OR1L4: variants seen among roughly 807,000 people sequenced by gnomAD.
The protein encoded by OR1L4 is olfactory receptor family 1 subfamily L member 4.
A neutral mutation model predicts 3.5 loss-of-function variants in OR1L4; 4 were observed. The ratio of observed to expected loss-of-function variants is 1.15; its 90% CI spans 0.57 to 2.63. The LOEUF is 2.63. Among genes scored for constraint, OR1L4 ranks in the 30% most tolerant of loss-of-function variants. The probability of loss-of-function intolerance (pLI) is 0.02; values close to 1 mark genes in which losing one functional copy is unlikely to be tolerated. For synonymous variants in OR1L4, 123 were observed against 149.1 expected, an observed-to-expected ratio of 0.83 and a Z score of 1.27; for missense variants, 291 against 378.5, an observed-to-expected ratio of 0.77 and a Z score of 1.92.
In OR1L4 at chr9:122,724,826, C is replaced by T; in HGVS notation, c.837C>T (p.Tyr279=). Residue 279 remains tyrosine, a synonymous_variant, in exon 1 of 1, where the codon TAC becomes TAT. Transcript: ENST00000259466. ...AGGGCCGGGTAGCCACAGTTATGTA[C>T]ACAGTAGTGACACCCATGCTGAACC... The part of the protein sequence containing the change: ...VMKGRVATVM[Y]TVVTPMLNPF... The T allele has an allele frequency of 1.2e-6, 2 of 1,614,034 alleles. No individual in the cohort carries two copies. The highest frequency in any genetic ancestry group is 1.3e-5 in the African/African-American group (1 of 74,990).
chr9:122,724,275 G>A lies in OR1L4; in HGVS notation c.286G>A (p.Val96Met), dbSNP rs1365331810. The change falls in exon 1 of 1, where the codon GTG becomes ATG. Residue 96 changes from valine (V) to methionine (M), a missense_variant. Physicochemically the swap from Val to Met is conservative, Grantham distance 21. Around this residue, in one of 3 missense-constraint regions of OR1L4, gnomAD observed 165 missense variants for 169.9 expected, o/e 0.97. Coordinates refer to ENST00000259466, the MANE Select transcript of OR1L4 (RefSeq NM_001005235.1). ...FLSETKIISY[V>M]GCLIQMYFFM... ...ATCAGAGACAAAGATTATCTCTTATGTGGGCTGCCTGATCCAGATGTACTT... is the reference window on the plus strand; with the variant it reads ...ATCAGAGACAAAGATTATCTCTTATATGGGCTGCCTGATCCAGATGTACTT... 7.4e-6 allele frequency: 12 copies of A among 1,614,102 alleles called. No homozygotes were observed. Among genetic ancestry groups the A allele is most frequent in the Admixed American group, 1.7e-5 (1 of 59,990 alleles).
Position 122,724,796 on chromosome 9 carries a change from G to C in OR1L4, c.807G>C (p.Val269=). The change falls in exon 1 of 1, where the codon GTG becomes GTC. Residue 269 remains valine (V), a synonymous_variant. Transcript: ENST00000259466. ...VYFRPLSMYS[V]MKGRVATVMY... is the part of the protein sequence containing the mutation. Reference sequence around the variant, plus strand: ...TTAGGCCTCTGTCCATGTACTCAGTGATGAAGGGCCGGGTAGCCACAGTTA... The same window carrying C: ...TTAGGCCTCTGTCCATGTACTCAGTCATGAAGGGCCGGGTAGCCACAGTTA... The C allele has an allele frequency of 6.2e-7, 1 of 1,614,120 alleles. No homozygotes were observed. Among genetic ancestry groups the C allele is most frequent in the Non-Finnish European group, 8.5e-7 (1 of 1,180,020 alleles).
At position 122,724,053 on chromosome 9, in the gene OR1L4, C is replaced by T. The variant is rs116182572; in HGVS notation, c.64C>T (p.Pro22Ser). 784 of 1,614,082 alleles carry T rather than the reference C, an allele frequency of 4.9e-4. 1 individual carries two copies. The African/African-American group carries it at 9.3e-3, about 19-fold the overall frequency. Residue 22 changes from proline to serine, a missense_variant, in exon 1 of 1, where the codon CCT becomes TCT. Pro to Ser is a moderately conservative substitution (Grantham distance 74). Around this residue, in one of 3 missense-constraint regions of OR1L4, gnomAD observed 165 missense variants for 169.9 expected, o/e 0.97. Coordinates refer to ENST00000259466, the MANE Select transcript of OR1L4 (RefSeq NM_001005235.1). ...CATCCTCCTGGGCCTCTCTTCCAAC[C>T]CTAAGCTGCAGAAACCTCTCTTTGC... ...GFILLGLSSNPKLQKPLFAIF... is the reference protein window; with the variant it reads ...GFILLGLSSNSKLQKPLFAIF...
chr9:122,724,154 G>T lies in OR1L4; in HGVS notation c.165G>T (p.Arg55Ser), dbSNP rs145830285. 1.9e-5 allele frequency: 31 copies of T among 1,613,964 alleles called. No individual in the cohort carries two copies. Among genetic ancestry groups the T allele is most frequent in the Middle Eastern group, 3.3e-4 (2 of 6,084 alleles). Residue 55 changes from arginine (R) to serine (S), a missense_variant, in exon 1 of 1, where the codon AGG becomes AGT. This residue lies in a region of OR1L4 where 165 missense variants were observed against 169.9 expected (regional missense o/e 0.97). Transcript: ENST00000259466. ...LIILAIYSDPRLHTPMYFFLS... is the reference protein window; with the variant it reads ...LIILAIYSDPSLHTPMYFFLS... ...TCCTGGCCATCTACTCTGACCCCAG[G>T]CTCCACACCCCTATGTACTTTTTTC... is the stretch of plus-strand genomic sequence containing the variant.
chr9:122,724,822 T>C lies in OR1L4; in HGVS notation c.833T>C (p.Met278Thr), dbSNP rs779389672. ...ATGAAGGGCCGGGTAGCCACAGTTA[T>C]GTACACAGTAGTGACACCCATGCTG... Reference protein sequence around the residue: ...SVMKGRVATVMYTVVTPMLNP... With the variant: ...SVMKGRVATVTYTVVTPMLNP... Residue 278 changes from methionine to threonine, a missense_variant, in exon 1 of 1, where the codon ATG becomes ACG. Around this residue, in one of 3 missense-constraint regions of OR1L4, gnomAD observed 62 missense variants for 71.8 expected, o/e 0.86. Transcript: ENST00000259466. The C allele has an allele frequency of 6.2e-7, 1 of 1,614,102 alleles. No individual in the cohort carries two copies. Among genetic ancestry groups the C allele is most frequent in the East Asian group, 2.2e-5 (1 of 44,882 alleles).
chr9:122,724,608 G>C lies in OR1L4; in HGVS notation c.619G>C (p.Val207Leu). 3 of 1,614,286 alleles carry C rather than the reference G, an allele frequency of 1.9e-6. No homozygotes were observed. Among genetic ancestry groups the C allele is most frequent in the Middle Eastern group, 1.6e-4 (1 of 6,062 alleles). ...QMVVMTETLA[V>L]IVTPFLCTIF... is the part of the protein sequence containing the mutation. ...GGTGGTGATGACTGAGACCTTAGCT[G>C]TCATTGTGACCCCCTTCCTGTGTAC... is the stretch of plus-strand genomic sequence containing the variant. Residue 207 changes from valine to leucine, a missense_variant, in exon 1 of 1, where the codon GTC (valine) becomes CTC (leucine). Val to Leu is a conservative substitution (Grantham distance 32). Coordinates refer to ENST00000259466, the MANE Select transcript of OR1L4 (RefSeq NM_001005235.1).
chr9:122,724,649 G>A lies in OR1L4; in HGVS notation c.660G>A (p.Leu220=). 3 of 1,614,274 alleles carry A rather than the reference G, an allele frequency of 1.9e-6. No individual in the cohort carries two copies. The highest frequency in any genetic ancestry group is 1.7e-6 in the Non-Finnish European group (2 of 1,180,056). The change falls in exon 1 of 1, where the codon CTG becomes CTA. Residue 220 remains leucine, a synonymous_variant. Transcript: ENST00000259466. ...TCCTGTGTACCATCTTCTCCTACCT[G>A]CAAATCATCGTCACTGTGCTCAGAA... ...TPFLCTIFSY[L]QIIVTVLRIP... is the part of the protein sequence containing the mutation.
At position 122,724,282 on chromosome 9, in the gene OR1L4, G is replaced by A. The variant is rs959362722; in HGVS notation, c.293G>A (p.Cys98Tyr). ...ACAAAGATTATCTCTTATGTGGGCT[G>A]CCTGATCCAGATGTACTTCTTCATG... is the stretch of plus-strand genomic sequence containing the variant. ...SETKIISYVGCLIQMYFFMAF... is the reference protein window; with the variant it reads ...SETKIISYVGYLIQMYFFMAF... Residue 98 changes from cysteine to tyrosine, a missense_variant, in exon 1 of 1, where the codon TGC becomes TAC. This residue lies in a region of OR1L4 where 165 missense variants were observed against 169.9 expected (regional missense o/e 0.97). Coordinates refer to ENST00000259466, the MANE Select transcript of OR1L4 (RefSeq NM_001005235.1). 6.2e-7 allele frequency: 1 copy of A among 1,614,078 alleles called. No individual in the cohort carries two copies. The highest frequency in any genetic ancestry group is 8.5e-7 in the Non-Finnish European group (1 of 1,180,046).
rs1031178967 is a variant in OR1L4, at chr9:122,724,783, C to T, written c.794C>T (p.Ser265Phe). The T allele has an allele frequency of 5.0e-6, 8 of 1,613,970 alleles. No individual in the cohort carries two copies. In the African/African-American group the frequency reaches 1.1e-4, roughly 22 times the overall value. Residue 265 changes from serine (S) to phenylalanine (F), a missense_variant, in exon 1 of 1, where the codon TCC (serine) becomes TTC (phenylalanine). By Grantham distance (155) the Ser-to-Phe change is radical. Coordinates refer to ENST00000259466, the MANE Select transcript of OR1L4 (RefSeq NM_001005235.1). ...ATCTATGTCTATTTTAGGCCTCTGT[C>T]CATGTACTCAGTGATGAAGGGCCGG... The part of the protein sequence containing the change: ...SVIYVYFRPL[S>F]MYSVMKGRVA...
Position 122,724,192 on chromosome 9 carries a change from C to A in OR1L4, c.203C>A (p.Ser68Tyr). 6.2e-7 allele frequency: 1 copy of A among 1,614,222 alleles called. No individual in the cohort carries two copies. Among genetic ancestry groups the A allele is most frequent in the Non-Finnish European group, 8.5e-7 (1 of 1,180,036 alleles). The change falls in exon 1 of 1, where the codon TCT (serine) becomes TAT (tyrosine). Residue 68 changes from serine to tyrosine, a missense_variant. This residue lies in a region of OR1L4 where 165 missense variants were observed against 169.9 expected (regional missense o/e 0.97). Transcript: ENST00000259466. ...TPMYFFLSNL[S>Y]FMDICFTTVI... is the part of the protein sequence containing the mutation. ...ATGTACTTTTTTCTCAGCAACTTGT[C>A]TTTCATGGATATCTGCTTCACAACA...
Position 122,724,653 on chromosome 9 carries a change from A to G in OR1L4, c.664A>G (p.Ile222Val), listed in dbSNP as rs747911995. ...FLCTIFSYLQIIVTVLRIPSA... is the reference protein window; with the variant it reads ...FLCTIFSYLQVIVTVLRIPSA... ...GTGTACCATCTTCTCCTACCTGCAA[A>G]TCATCGTCACTGTGCTCAGAATCCC... The change falls in exon 1 of 1, where the codon ATC (isoleucine) becomes GTC (valine). Residue 222 changes from isoleucine (I) to valine (V), a missense_variant. Physicochemically the swap from Ile to Val is conservative, Grantham distance 29. Transcript: ENST00000259466. 6 of 1,614,176 alleles carry G rather than the reference A, an allele frequency of 3.7e-6. No homozygotes were observed. Among genetic ancestry groups the G allele is most frequent in the Non-Finnish European group, 4.2e-6 (5 of 1,180,006 alleles).
chr9:122,724,739 C>T lies in OR1L4; in HGVS notation c.750C>T (p.Val250=). The T allele has an allele frequency of 1.9e-6, 3 of 1,614,144 alleles. No homozygotes were observed. The African/African-American group carries it at 4.0e-5, about 22-fold the overall frequency. The part of the protein sequence containing the change: ...STCGSHLTVV[V]LFYGSVIYVY... ...GTGGCTCCCACCTCACTGTAGTGGT[C>T]CTGTTCTATGGGAGTGTCATCTATG... Residue 250 remains valine, a synonymous_variant, in exon 1 of 1, where the codon GTC becomes GTT. Transcript: ENST00000259466.
rs771516147 is a variant in OR1L4, at chr9:122,724,155, C to T, written c.166C>T (p.Leu56Phe). The T allele has an allele frequency of 1.2e-5, 19 of 1,614,062 alleles. No individual in the cohort carries two copies. The East Asian group carries it at 4.0e-4, about 34-fold the overall frequency. The change falls in exon 1 of 1, where the codon CTC becomes TTC. Residue 56 changes from leucine to phenylalanine, a missense_variant. This residue lies in a region of OR1L4 where 165 missense variants were observed against 169.9 expected (regional missense o/e 0.97). Transcript: ENST00000259466. ...CCTGGCCATCTACTCTGACCCCAGG[C>T]TCCACACCCCTATGTACTTTTTTCT... ...IILAIYSDPR[L>F]HTPMYFFLSN...
rs1246461722 is a variant in OR1L4 at position 122,724,850 on chromosome 9, C to T, written c.861C>T (p.Asn287=). 6.2e-7 allele frequency: 1 copy of T among 1,613,980 alleles called. No homozygotes were observed. Among genetic ancestry groups the T allele is most frequent in the Non-Finnish European group, 8.5e-7 (1 of 1,179,984 alleles). The change falls in exon 1 of 1, where the codon AAC becomes AAT. Residue 287 remains asparagine (N), a synonymous_variant. Transcript: ENST00000259466. The part of the protein sequence containing the change: ...VMYTVVTPML[N]PFIYSLRNKD... ...ACACAGTAGTGACACCCATGCTGAACCCTTTCATCTACAGCCTGAGGAACA... is the reference window on the plus strand; with the variant it reads ...ACACAGTAGTGACACCCATGCTGAATCCTTTCATCTACAGCCTGAGGAACA...
chr9:122,724,249 T>C lies in OR1L4; in HGVS notation c.260T>C (p.Leu87Pro). 5 of 1,614,240 alleles carry C rather than the reference T, an allele frequency of 3.1e-6. No individual in the cohort carries two copies. The African/African-American group carries it at 6.7e-5, about 22-fold the overall frequency. ...VIVPKMLVNF[L>P]SETKIISYVG... ...GTGCCTAAGATGCTGGTGAATTTTC[T>C]ATCAGAGACAAAGATTATCTCTTAT... Residue 87 changes from leucine (L) to proline (P), a missense_variant, in exon 1 of 1, where the codon CTA (leucine) becomes CCA (proline). Coordinates refer to ENST00000259466, the MANE Select transcript of OR1L4 (RefSeq NM_001005235.1).
At position 122,724,892 on chromosome 9, in the gene OR1L4, T is replaced by G; in HGVS notation, c.903T>G (p.Gly301=). 2 of 1,608,754 alleles carry G rather than the reference T, an allele frequency of 1.2e-6. No homozygotes were observed. Among genetic ancestry groups the G allele is most frequent in the Non-Finnish European group, 1.7e-6 (2 of 1,178,246 alleles). The change falls in exon 1 of 1, where the codon GGT becomes GGG. Residue 301 remains glycine, a synonymous_variant. Coordinates refer to ENST00000259466, the MANE Select transcript of OR1L4 (RefSeq NM_001005235.1). ...TGAGGAACAAAGATATGAAAAGGGG[T>G]TTGAAGAAATTAAGACACAGAATTT... The part of the protein sequence containing the change: ...YSLRNKDMKR[G]LKKLRHRIYS
In OR1L4 at chr9:122,724,801, A is replaced by G. The variant is rs756008608; in HGVS notation, c.812A>G (p.Lys271Arg). Residue 271 changes from lysine (K) to arginine (R), a missense_variant, in exon 1 of 1, where the codon AAG becomes AGG. Physicochemically the swap from Lys to Arg is conservative, Grantham distance 26 (BLOSUM62 2). Transcript: ENST00000259466. The part of the protein sequence containing the change: ...FRPLSMYSVM[K>R]GRVATVMYTV... ...CCTCTGTCCATGTACTCAGTGATGAAGGGCCGGGTAGCCACAGTTATGTAC... is the reference window on the plus strand; with the variant it reads ...CCTCTGTCCATGTACTCAGTGATGAGGGGCCGGGTAGCCACAGTTATGTAC... The G allele has an allele frequency of 5.6e-6, 9 of 1,613,950 alleles. No individual in the cohort carries two copies. Among genetic ancestry groups the G allele is most frequent in the African/African-American group, 1.3e-5 (1 of 75,014 alleles).
At position 122,724,313 on chromosome 9, in the gene OR1L4, T is replaced by C. The variant is rs1451632525; in HGVS notation, c.324T>C (p.Phe108=). The change falls in exon 1 of 1, where the codon TTT becomes TTC. Residue 108 remains phenylalanine (F), a synonymous_variant. Coordinates refer to ENST00000259466, the MANE Select transcript of OR1L4 (RefSeq NM_001005235.1). ...TCCAGATGTACTTCTTCATGGCATT[T>C]GGGAACACTGACAGCTACCTGCTGG... ...CLIQMYFFMA[F]GNTDSYLLAS... 3.1e-6 allele frequency: 5 copies of C among 1,614,208 alleles called. No homozygotes were observed. The South Asian group carries it at 5.5e-5, about 18-fold the overall frequency.
chr9:122,724,107 G>T lies in OR1L4; in HGVS notation c.118G>T (p.Ala40Ser). ...CTTCCTCATCATGTACCTACTCACT[G>T]CGGTGGGGAATGTGCTCATCATCCT... is the stretch of plus-strand genomic sequence containing the variant. Reference protein sequence around the residue: ...AIFLIMYLLTAVGNVLIILAI... With the variant: ...AIFLIMYLLTSVGNVLIILAI... The change falls in exon 1 of 1, where the codon GCG becomes TCG. Residue 40 changes from alanine to serine, a missense_variant. Ala to Ser is a moderately conservative substitution (Grantham distance 99). Around this residue, in one of 3 missense-constraint regions of OR1L4, gnomAD observed 165 missense variants for 169.9 expected, o/e 0.97. Coordinates refer to ENST00000259466, the MANE Select transcript of OR1L4 (RefSeq NM_001005235.1). 1 of 1,614,106 alleles carries T rather than the reference G, an allele frequency of 6.2e-7. No individual in the cohort carries two copies. The highest frequency in any genetic ancestry group is 8.5e-7 in the Non-Finnish European group (1 of 1,180,028).
Sources: allele counts gnomAD v4.1 joint callset, GRCh38; gene constraint gnomAD v4.1.1; regional missense constraint gnomAD v4.1.1; transcripts MANE v1.5; gene names NCBI Gene and HGNC (gene_info 2026-07-23, HGNC 2026-07-21).